ZEB1: variants seen among roughly 807,000 people sequenced by gnomAD.
The protein encoded by ZEB1 is zinc finger E-box binding homeobox 1.
Under a neutral mutation model 84.9 loss-of-function variants are expected in ZEB1, and 21 were observed. The observed-to-expected ratio is 0.25, with a 90% confidence interval of 0.18 to 0.36. The LOEUF (loss-of-function observed/expected upper bound fraction) is 0.36. ZEB1 is among the 10% of genes least tolerant of loss of function. ZEB1 has a pLI of 1.00. For missense variants in ZEB1, 1,104 were observed against 1,330.2 expected (o/e 0.83, Z 2.65); for synonymous variants, 420 against 471.1 (o/e 0.89, Z 1.41).
At chr10:31,458,362 G>GTGTA (rs1334839799) in intron 1 of ZEB1, among the ~76,000 whole-genome samples, 1 of 150,100 alleles carries the variant, frequency 6.7e-6, no homozygotes, top group Non-Finnish European at 1.5e-5. Context: ...GTGTGTGTGT[G>GTGTA]TGTATTTGCC....
At chr10:31,380,171 C>A (rs1055426827) in intron 1 of ZEB1, among the ~76,000 whole-genome samples, 1 of 152,052 alleles carries the variant, frequency 6.6e-6, no homozygotes, top group Non-Finnish European at 1.5e-5. Flanking sequence ...CCCCAAACCC[C>A]CTTCTTCCTC....
At chr10:31,378,928 G>A (rs2047158778) in intron 1 of ZEB1, among the ~76,000 whole-genome samples, 1 of 152,020 alleles carries the variant, frequency 6.6e-6, no homozygotes, top group African/African-American at 2.4e-5. Context: ...ACTTTACCCA[G>A]TAGAAATGCA....
chr10:31,523,928 TC>T lies in ZEB1; in HGVS notation c.2605-4del, dbSNP rs1172626516. On this transcript the variant is annotated splice_polypyrimidine_tract_variant and splice_region_variant and intron_variant, in intron 7 of 8. Coordinates refer to ENST00000424869, the MANE Select transcript of ZEB1 (RefSeq NM_001174096.2). ...TTACATTTTCTCACACCTTTCTCCC[TC>T]TAGGATGAAAGACAAGATACTAGCT... The T allele has an allele frequency of 1.9e-6, 3 of 1,613,564 alleles. No homozygotes were observed. The African/African-American group carries it at 4.0e-5, about 22-fold the overall frequency.
At chr10:31,510,377 A>T (rs949324813) in intron 4 of ZEB1, among the ~76,000 whole-genome samples, 32 of 152,304 alleles carry the variant, frequency 2.1e-4, no homozygotes, top group African/African-American at 7.0e-4. Context: ...CACATGACAA[A>T]AGGGAAGAAT....
At chr10:31,385,661 G>T (rs1033246284) in intron 1 of ZEB1, among the ~76,000 whole-genome samples, 1 of 151,622 alleles carries the variant, frequency 6.6e-6, no homozygotes, top group Non-Finnish European at 1.5e-5. Context: ...CCAAGTAACT[G>T]GGATTACAGG....
chr10:31,346,033 C>T (rs1441546602), intron 1 of ZEB1, among the ~76,000 whole-genome samples: 1 of 152,142 alleles, frequency 6.6e-6, no homozygotes, highest in Non-Finnish European at 1.5e-5. Context: ...TGGCTTACAT[C>T]ACAAGAGCTA....
chr10:31,499,060 T>C (rs981246097), intron 3 of ZEB1, among the ~76,000 whole-genome samples: 9 of 152,156 alleles, frequency 5.9e-5, no homozygotes, highest in African/African-American at 2.2e-4. Context: ...AAGTTATTTG[T>C]CAATGAAAAT....
intron 1 of ZEB1, among the ~76,000 whole-genome samples, chr10:31,350,664 A>T (rs761458823): frequency 1.3e-5 from 2 of 152,178 alleles, no homozygotes; most frequent in African/African-American, 2.4e-5. Context: ...TCCTAAACTA[A>T]GAATAACAAA....
At chr10:31,511,192 A>G (rs774601469) in intron 5 of ZEB1, among the ~76,000 whole-genome samples, 1 of 152,222 alleles carries the variant, frequency 6.6e-6, no homozygotes, top group Admixed American at 6.5e-5. Flanking sequence ...ATTGCATTCT[A>G]TTAAAATGTT....
At chr10:31,372,392 A>G (rs560131849) in intron 1 of ZEB1, among the ~76,000 whole-genome samples, 10 of 152,186 alleles carry the variant, frequency 6.6e-5, no homozygotes, top group African/African-American at 2.4e-4. Flanking sequence ...CAATAATCAT[A>G]AAGCCTATGG....
At chr10:31,462,670 CAA>C (rs2061948000) in intron 2 of ZEB1, among the ~76,000 whole-genome samples, 1 of 151,878 alleles carries the variant, frequency 6.6e-6, no homozygotes, top group African/African-American at 2.4e-5. Context: ...GAGAAGTAAA[CAA>C]GGGAAAAAAT....
At chr10:31,351,376 G>A (rs1341097977) in intron 1 of ZEB1, among the ~76,000 whole-genome samples, 7 of 152,040 alleles carry the variant, frequency 4.6e-5, no homozygotes, top group Admixed American at 4.6e-4. Flanking sequence ...TTTCAGAAAT[G>A]CTTTTTTACT....
intron 1 of ZEB1, among the ~76,000 whole-genome samples, chr10:31,458,331 GTGTGT>G (rs369798646): frequency 0.041 from 4,524 of 111,000 alleles, 227 homozygotes; most frequent in African/African-American, 0.27. Context: ...GTGTGTGTGT[GTGTGT>G]TGTGTGTGTG....
In ZEB1 at chr10:31,520,019, G is replaced by C. The variant is rs2071964997; in HGVS notation, c.794-107G>C. The C allele has an allele frequency of 1.4e-6, 2 of 1,393,548 alleles. No homozygotes were observed. The highest frequency in any genetic ancestry group is 2.0e-6 in the Non-Finnish European group (2 of 1,021,796). The allele number at this position is 1,393,548 out of a possible 1,614,324, so 86.3% of individuals were successfully genotyped here. On this transcript the variant is annotated intron_variant, in intron 6 of 8. Coordinates refer to ENST00000424869, the MANE Select transcript of ZEB1 (RefSeq NM_001174096.2). The surrounding 1 kb of genome is among the most constrained non-coding windows in gnomAD (Gnocchi z 5.1). ...TACAGTTCTGTCACAAGCATGCATG[G>C]CAGTCTTCTTTTTAAAATTGATACC...
At chr10:31,348,292 AGTGGCTCACAC>A (rs2133795126) in intron 1 of ZEB1, among the ~76,000 whole-genome samples, 1 of 152,228 alleles carries the variant, frequency 6.6e-6, no homozygotes, top group South Asian at 2.1e-4. Context: ...GGCTGGGTGC[AGTGGCTCACAC>A]CTGTAATCCC....
chr10:31,353,309 T>C (rs2041604355), intron 1 of ZEB1, among the ~76,000 whole-genome samples: 2 of 152,264 alleles, frequency 1.3e-5, no homozygotes, highest in Admixed American at 1.3e-4. Flanking sequence ...AAAGTCTTTG[T>C]CTTACCAAGA....
chr10:31,331,687 G>C (rs972155600), intron 1 of ZEB1, among the ~76,000 whole-genome samples: 1 of 152,088 alleles, frequency 6.6e-6, no homozygotes, highest in African/African-American at 2.4e-5. Context: ...GTATGTGTGT[G>C]GGTTATCCTA....
rs377266952 is a variant in ZEB1, at chr10:31,396,493, A to G, written c.59-64544A>G. 3.8e-4 allele frequency among the ~76,000 whole-genome samples: 58 copies of G among 152,338 alleles called. No homozygotes were observed. The East Asian group carries it at 5.0e-3, about 13-fold the overall frequency. On this transcript the variant is annotated intron_variant, in intron 1 of 8. Transcript: ENST00000424869. The stretch of plus-strand genomic sequence containing the variant: ...ACAAATAGGCAGGATTTGAACATGT[A>G]TGGCAAGAACACTGCAGGCAAGGGT...
Position 31,319,315 on chromosome 10 carries a change from G to A in ZEB1, c.58+23G>A, listed in dbSNP as rs201600008. 31 of 1,601,116 alleles carry A rather than the reference G, an allele frequency of 1.9e-5. No individual in the cohort carries two copies. In the East Asian group the frequency reaches 5.6e-4, roughly 29 times the overall value. ...ACGGTGAGTGGCGGAGGGGACCGGG[G>A]AGCGGCGGAGTCAGGGGGAGCTGGG... is the stretch of plus-strand genomic sequence containing the variant. On this transcript the variant is annotated intron_variant, in intron 1 of 8. Coordinates refer to ENST00000424869, the MANE Select transcript of ZEB1 (RefSeq NM_001174096.2).
Sources: gnomAD v4.1 joint callset for allele counts (sites outside exome capture counted in the v4.1 genomes callset) on GRCh38, gnomAD v4.1.1 for gene constraint, Gnocchi (gnomAD v3.1) non-coding constraint, MANE v1.5 for transcripts, NCBI Gene and HGNC (gene_info 2026-07-23, HGNC 2026-07-21) for gene names.